Variants in NIPSNAP1 observed in about 807,000 individuals in gnomAD.
NIPSNAP1 encodes protein NipSnap homolog 1.
A neutral mutation model predicts 49.2 loss-of-function variants in NIPSNAP1; 25 were observed. The ratio of observed to expected loss-of-function variants is 0.51; its 90% CI spans 0.37 to 0.71. NIPSNAP1 has a LOEUF of 0.71. Among genes scored for constraint, NIPSNAP1 ranks in the 30% least tolerant of loss-of-function variants. The pLI, the probability that NIPSNAP1 is intolerant of heterozygous loss-of-function variation, is 0.00. For synonymous variants in NIPSNAP1, 143 were observed against 140.7 expected (o/e 1.02, Z -0.12); for missense variants, 294 against 361.0 (o/e 0.81, Z 1.50).
At chr22:29,567,295 G>A (rs945303203) in intron 4 of NIPSNAP1, among the ~76,000 whole-genome samples, 2 of 152,110 alleles carry the variant, frequency 1.3e-5, no homozygotes, top group African/African-American at 2.4e-5. Context: ...AGGCTGGGAT[G>A]GGGCATGCTA....
At chr22:29,575,324 C>G (rs1019177192) in intron 1 of NIPSNAP1, among the ~76,000 whole-genome samples, 1 of 152,150 alleles carries the variant, frequency 6.6e-6, no homozygotes, top group Admixed American at 6.6e-5. Flanking sequence ...GATGGGCTCC[C>G]GTCTCTTCCC....
intron 4 of NIPSNAP1, among the ~76,000 whole-genome samples, chr22:29,567,583 T>C (rs546095423): frequency 3.3e-5 from 5 of 152,310 alleles, no homozygotes; most frequent in Admixed American, 2.6e-4. Context: ...CCAGGCACTG[T>C]GGCTCATGCC....
At chr22:29,576,697 G>A (rs922958265) in intron 1 of NIPSNAP1, among the ~76,000 whole-genome samples, 5 of 151,358 alleles carry the variant, frequency 3.3e-5, no homozygotes, top group Admixed American at 6.6e-5. Context: ...AAGCCGAGGC[G>A]GGTGGATCAC....
At position 29,561,632 on chromosome 22, in the gene NIPSNAP1, G is replaced by C. The variant is rs1412087760; in HGVS notation, c.453C>G (p.Phe151Leu). The C allele has an allele frequency of 6.2e-7, 1 of 1,614,048 alleles. No homozygotes were observed. Among genetic ancestry groups the C allele is most frequent in the South Asian group, 1.1e-5 (1 of 91,082 alleles). ...KLKNNKEYLE[F>L]RRERSQMLLS... is the part of the protein sequence containing the mutation. ...GCAGCATCTGGCTCCGCTCCCTTCG[G>C]AACTCCAGGTACTCCTGTGGGCATG... The change falls in exon 6 of 10, where the codon TTC (phenylalanine) becomes TTG (leucine). Residue 151 changes from phenylalanine (F) to leucine (L), a missense_variant. Around this residue, in one of 4 missense-constraint regions of NIPSNAP1, gnomAD observed 146 missense variants for 219.9 expected, o/e 0.66. Transcript: ENST00000216121.
chr22:29,559,630 G>C (rs1349499078), intron 8 of NIPSNAP1, among the ~76,000 whole-genome samples: 2 of 151,970 alleles, frequency 1.3e-5, no homozygotes, highest in Non-Finnish European at 2.9e-5. Flanking sequence ...AGACTCAGGA[G>C]ATGACACACA....
intron 1 of NIPSNAP1, among the ~76,000 whole-genome samples, chr22:29,574,291 A>AAAAAAAAAAAAAG: frequency 6.7e-6 from 1 of 148,354 alleles, no homozygotes; most frequent in Non-Finnish European, 1.5e-5. Context: ...AAAAAAAAAA[A>AAAAAAAAAAAAAG]AGAAAGAAAA....
intron 1 of NIPSNAP1, among the ~76,000 whole-genome samples, chr22:29,578,347 T>G (rs1022802684): frequency 2.0e-5 from 3 of 151,294 alleles, no homozygotes; most frequent in Non-Finnish European, 4.4e-5. Context: ...AATTTTTGTA[T>G]TTTTTATAGA....
chr22:29,557,708 G>A (rs2064305683), intron 9 of NIPSNAP1, among the ~76,000 whole-genome samples: 1 of 152,208 alleles, frequency 6.6e-6, no homozygotes, highest in Non-Finnish European at 1.5e-5. Context: ...TAGGATTTCA[G>A]TTGTGAGCCA....
chr22:29,574,261 CAAA>C (rs1158442759), intron 1 of NIPSNAP1, among the ~76,000 whole-genome samples: 1 of 36,694 alleles, frequency 2.7e-5, no homozygotes, highest in Non-Finnish European at 4.8e-5. Flanking sequence ...TCCATCTTCA[CAAA>C]AAAAAAAAAA....
Position 29,555,638 on chromosome 22 carries a change from G to C in NIPSNAP1, c.*297C>G, listed in dbSNP as rs573297418. 1.0e-5 allele frequency: 4 copies of C among 395,176 alleles called. No individual in the cohort carries two copies. Among genetic ancestry groups the C allele is most frequent in the Middle Eastern group, 8.1e-4 (1 of 1,234 alleles). The allele number at this position is 395,176 out of a possible 1,614,324, so 24.5% of individuals were successfully genotyped here. ...GTGATAACTGGGGACTGGTGGCCTT[G>C]AGATGAGGAATTTTAGAAGATAAAT... On this transcript the variant is annotated 3_prime_UTR_variant, in exon 10 of 10. Coordinates refer to ENST00000216121, the MANE Select transcript of NIPSNAP1 (RefSeq NM_003634.4).
intron 1 of NIPSNAP1, among the ~76,000 whole-genome samples, chr22:29,580,416 G>T (rs1037816265): frequency 6.6e-6 from 1 of 152,234 alleles, no homozygotes; most frequent in African/African-American, 2.4e-5. Context: ...GGTGCAAAGT[G>T]CATGGCGCAT....
intron 1 of NIPSNAP1, chr22:29,580,283 GGGCT>G: frequency 8.0e-7 from 1 of 1,249,200 alleles, no homozygotes. Context: ...AAGGAGTGAG[GGGCT>G]GCCCAGGGCC....
At chr22:29,570,106 G>C (rs986291262) in intron 3 of NIPSNAP1, 56 bp downstream of exon 3, 135 of 1,510,898 alleles carry the variant, frequency 8.9e-5, no homozygotes, top group Non-Finnish European at 1.2e-4. Context: ...CAAATTTGCT[G>C]AAAGTGTGTT....
chr22:29,559,050 G>A (rs1436783566), intron 8 of NIPSNAP1, 97 bp from the exon 9 acceptor site: 8 of 849,888 alleles, frequency 9.4e-6, no homozygotes, highest in Non-Finnish European at 1.4e-5. Context: ...ACCCTGCACT[G>A]CTGTCTCCTC....
chr22:29,559,553 A>G (rs1304924481), intron 8 of NIPSNAP1, among the ~76,000 whole-genome samples: 7 of 151,676 alleles, frequency 4.6e-5, no homozygotes, highest in Non-Finnish European at 8.8e-5. Flanking sequence ...AAAAAAAAAA[A>G]GTAACAATTC....
intron 8 of NIPSNAP1, among the ~76,000 whole-genome samples, chr22:29,559,339 G>A (rs766378950): frequency 3.3e-5 from 5 of 152,056 alleles, no homozygotes; most frequent in East Asian, 1.9e-4. Context: ...CCAGGAGTTC[G>A]AGGCCAGTCT....
At chr22:29,573,944 C>CAA (rs2064429867) in intron 1 of NIPSNAP1, among the ~76,000 whole-genome samples, 1 of 149,386 alleles carries the variant, frequency 6.7e-6, no homozygotes, top group Non-Finnish European at 1.5e-5. Context: ...TCTCAAAAAA[C>CAA]AAAACAAAAC....
At chr22:29,559,288 C>T (rs1399774801) in intron 8 of NIPSNAP1, among the ~76,000 whole-genome samples, 9 of 152,150 alleles carry the variant, frequency 5.9e-5, no homozygotes, top group African/African-American at 2.2e-4. Context: ...TGCCTATAAT[C>T]CCAGCACTTT....
rs753797114 is a variant in NIPSNAP1, at chr22:29,569,238, G to A, written c.322C>T (p.Leu108Phe). ...TACCACGTGTTCCAGTTGCCCACGA[G>A]TGAGCATGGGTAGTCCTCATCCAGG... ...LHLDEDYPCS[L>F]VGNWNTWYGE... is the part of the protein sequence containing the mutation. Residue 108 changes from leucine to phenylalanine, a missense_variant, in exon 4 of 10, where the codon CTC (leucine) becomes TTC (phenylalanine). Around this residue, in one of 4 missense-constraint regions of NIPSNAP1, gnomAD observed 55 missense variants for 46.2 expected, o/e 1.19. Transcript: ENST00000216121. 1 of 1,614,076 alleles carries A rather than the reference G, an allele frequency of 6.2e-7. No individual in the cohort carries two copies. The highest frequency in any genetic ancestry group is 8.5e-7 in the Non-Finnish European group (1 of 1,179,998).
Sources: gnomAD v4.1 joint callset for allele counts (sites outside exome capture counted in the v4.1 genomes callset) on GRCh38, gnomAD v4.1.1 for gene constraint, gnomAD v4.1.1 regional missense constraint, MANE v1.5 for transcripts, NCBI Gene and HGNC (gene_info 2026-07-23, HGNC 2026-07-21) for gene names.